The following PRPF4 variants were observed in gnomAD, a reference collection of about 807,000 sequenced individuals.
PRPF4 encodes the protein U4/U6 small nuclear ribonucleoprotein Prp4.
PRPF4 carries 14 observed loss-of-function variants against 72.2 expected under a neutral mutation model. That is an observed-to-expected ratio of 0.19 (90% CI 0.13 to 0.30). The LOEUF is 0.30. Among genes scored for constraint, PRPF4 ranks in the 10% least tolerant of loss-of-function variants. The pLI is 1.00. For synonymous variants in PRPF4, 225 were observed against 232.2 expected, an observed-to-expected ratio of 0.97 and a Z score of 0.28; for missense variants, 478 against 653.9, an observed-to-expected ratio of 0.73 and a Z score of 2.93.
chr9:113,290,652 C>T, intron 11 of PRPF4, 48 bp from the exon 12 acceptor site: 1 of 1,614,084 alleles, frequency 6.2e-7, no homozygotes, highest in Non-Finnish European at 8.5e-7. Context: ...ATACCTGCTT[C>T]CACAGAGAAC....
At chr9:113,276,838 C>T in intron 2 of PRPF4, 113 bp downstream of exon 2, 1 of 1,211,770 alleles carries the variant, frequency 8.3e-7, no homozygotes, top group Middle Eastern at 3.0e-4. Flanking sequence ...TTTTTTTAAA[C>T]AGAGTCTCGC....
chr9:113,284,467 G>A (rs1210856587), intron 7 of PRPF4, 78 bp downstream of exon 7: 13 of 1,222,878 alleles, frequency 1.1e-5, no homozygotes, highest in Admixed American at 1.7e-5. Context: ...TGCGTTAGAC[G>A]TCTATTTCTA....
chr9:113,291,528 C>G lies in PRPF4; in HGVS notation c.1434C>G (p.His478Gln). The change falls in exon 14 of 14, where the codon CAC (histidine) becomes CAG (glutamine). Residue 478 changes from histidine to glutamine, a missense_variant. By Grantham distance (24) the His-to-Gln change is conservative. Coordinates refer to ENST00000374198, the MANE Select transcript of PRPF4 (RefSeq NM_001244926.2). ...ATAACACAGCCAAGATCTGGACGCA[C>G]CCAGGCTGGTCCCCGCTGAAGACTC... is the stretch of plus-strand genomic sequence containing the variant. ...AYDNTAKIWT[H>Q]PGWSPLKTLA... 6.2e-7 allele frequency: 1 copy of G among 1,614,124 alleles called. No homozygotes were observed. Among genetic ancestry groups the G allele is most frequent in the Admixed American group, 1.7e-5 (1 of 60,014 alleles).
intron 8 of PRPF4, 74 bp from the exon 9 acceptor site, chr9:113,286,631 C>T: frequency 6.4e-7 from 1 of 1,559,638 alleles, no homozygotes; most frequent in Non-Finnish European, 8.8e-7. Context: ...TGTATGTCCA[C>T]ATGTTCCCTA....
At chr9:113,288,486 G>T (rs932263491) in intron 10 of PRPF4, among the ~76,000 whole-genome samples, 41 of 151,694 alleles carry the variant, frequency 2.7e-4, no homozygotes, top group African/African-American at 9.7e-4. Context: ...ACCCAGGCTG[G>T]AGTGCAGTGG....
chr9:113,291,353 G>A, intron 13 of PRPF4, 114 bp from the exon 14 acceptor site: 3 of 1,075,646 alleles, frequency 2.8e-6, no homozygotes, highest in East Asian at 2.4e-5. Flanking sequence ...GTTCCCTTAA[G>A]TCTGTAGAAA....
rs749110846 is a variant in PRPF4 at position 113,283,125 on chromosome 9, C to T, written c.481-7C>T. ...TTTGACCTTTCTGCTCTTAATTTGC[C>T]TTTCAGTATCAGCAAACCTGGTATC... On this transcript the variant is annotated splice_region_variant and splice_polypyrimidine_tract_variant and intron_variant, in intron 4 of 13. Transcript: ENST00000374198. 6.2e-7 allele frequency: 1 copy of T among 1,614,022 alleles called. No homozygotes were observed.
intron 2 of PRPF4, among the ~76,000 whole-genome samples, chr9:113,278,630 A>G (rs1346167536): frequency 1.3e-5 from 2 of 152,266 alleles, no homozygotes; most frequent in Admixed American, 6.5e-5. Flanking sequence ...TCTTCTGGAT[A>G]GACAGCCTAG....
intron 3 of PRPF4, among the ~76,000 whole-genome samples, chr9:113,281,314 A>T (rs909454819): frequency 7.2e-5 from 11 of 152,196 alleles, no homozygotes; most frequent in African/African-American, 2.6e-4. Flanking sequence ...CAAAGGGTAT[A>T]CTTTTTTATT....
At chr9:113,289,267 G>C (rs762241409) in intron 10 of PRPF4, among the ~76,000 whole-genome samples, 5 of 152,138 alleles carry the variant, frequency 3.3e-5, no homozygotes, top group Admixed American at 6.6e-5. Flanking sequence ...ATGGACACTT[G>C]GGCTGTTTCC....
chr9:113,288,729 GC>G (rs1316149907), intron 10 of PRPF4, among the ~76,000 whole-genome samples: 1 of 152,034 alleles, frequency 6.6e-6, no homozygotes, highest in Non-Finnish European at 1.5e-5. Context: ...CAGGTAACGC[GC>G]CCAGCCATAT....
rs1047655065 is a variant in PRPF4 at position 113,290,820 on chromosome 9, C to T, written c.1253+13C>T. Reference sequence around the variant, plus strand: ...TCTCCCCCAATGGGTAAAATAAACACACTGAATGAGGGGCGAAAAAGGGTT... The same window carrying T: ...TCTCCCCCAATGGGTAAAATAAACATACTGAATGAGGGGCGAAAAAGGGTT... On this transcript the variant is annotated intron_variant, in intron 12 of 13. Transcript: ENST00000374198. 5.6e-6 allele frequency: 9 copies of T among 1,613,460 alleles called. No homozygotes were observed. Among genetic ancestry groups the T allele is most frequent in the Non-Finnish European group, 7.6e-6 (9 of 1,179,488 alleles).
chr9:113,285,569 A>AG, intron 7 of PRPF4, among the ~76,000 whole-genome samples: 1 of 151,166 alleles, frequency 6.6e-6, no homozygotes, highest in East Asian at 2.0e-4. Flanking sequence ...TAGTAGAGAC[A>AG]GGGTTTCACC....
intron 6 of PRPF4, 21 bp downstream of exon 6, chr9:113,283,503 G>A (rs750143048): frequency 6.2e-7 from 1 of 1,612,154 alleles, no homozygotes; most frequent in South Asian, 1.1e-5. Flanking sequence ...CCCAGCAATT[G>A]TCCCACATCT....
chr9:113,277,859 G>A (rs1832158403), intron 2 of PRPF4, among the ~76,000 whole-genome samples: 2 of 152,140 alleles, frequency 1.3e-5, no homozygotes, highest in African/African-American at 4.8e-5. Context: ...AATTAGCTGG[G>A]CATGGTGACA....
In PRPF4 at chr9:113,292,557, A is replaced by G. The variant is rs1158892265; in HGVS notation, c.*897A>G. 1 of 152,248 alleles carries G rather than the reference A, an allele frequency of 6.6e-6. No individual in the cohort carries two copies. Among genetic ancestry groups the G allele is most frequent in the African/African-American group, 2.4e-5 (1 of 41,468 alleles). The allele number at this position is 152,248 out of a possible 1,614,324, so 9.4% of individuals were successfully genotyped here. A position where few individuals can be genotyped will look rare whatever the true frequency, so the allele number is the denominator to read the frequency against. ...TGAGTTTGCTTGGAATGCTGACAGCATCAGGCAACTCTGAACTGAACATTT... is the reference window on the plus strand; with the variant it reads ...TGAGTTTGCTTGGAATGCTGACAGCGTCAGGCAACTCTGAACTGAACATTT... On this transcript the variant is annotated 3_prime_UTR_variant, in exon 14 of 14. Coordinates refer to ENST00000374198, the MANE Select transcript of PRPF4 (RefSeq NM_001244926.2).
At chr9:113,286,174 G>A in intron 7 of PRPF4, 58 bp from the exon 8 acceptor site, 1 of 1,576,458 alleles carries the variant, frequency 6.3e-7, no homozygotes, top group Non-Finnish European at 8.7e-7. Context: ...ATATTACCAA[G>A]GTACCTTTTC....
rs775989074 is a variant in PRPF4, at chr9:113,275,697, A to G, written c.-47A>G. ...CTGGGCGCGCGGTGGACGGTCTGAAAGGGAGTGTTCGGGTTTCGCTGGGGC... is the reference window on the plus strand; with the variant it reads ...CTGGGCGCGCGGTGGACGGTCTGAAGGGGAGTGTTCGGGTTTCGCTGGGGC... On this transcript the variant is annotated 5_prime_UTR_variant, in exon 1 of 14. Coordinates refer to ENST00000374198, the MANE Select transcript of PRPF4 (RefSeq NM_001244926.2). 2 of 1,600,814 alleles carry G rather than the reference A, an allele frequency of 1.2e-6. No individual in the cohort carries two copies. The highest frequency in any genetic ancestry group is 1.7e-5 in the Admixed American group (1 of 58,574).
rs1832347404 is a variant in PRPF4, at chr9:113,283,567, G to A, written c.654+85G>A. ...TCTACTTTGGCTCACCTCTGGGAAG[G>A]TAGAGGCAACTAGAGTGATTCCTCC... On this transcript the variant is annotated intron_variant, in intron 6 of 13. Transcript: ENST00000374198. The A allele has an allele frequency of 3.6e-6, 5 of 1,406,306 alleles. No individual in the cohort carries two copies. The South Asian group carries it at 6.3e-5, about 18-fold the overall frequency. The allele number at this position is 1,406,306 out of a possible 1,614,324, so 87.1% of individuals were successfully genotyped here. A position where few individuals can be genotyped will look rare whatever the true frequency, so the allele number is the denominator to read the frequency against.
Sources: gnomAD v4.1 joint callset for allele counts (sites outside exome capture counted in the v4.1 genomes callset) on GRCh38, gnomAD v4.1.1 for gene constraint, MANE v1.5 for transcripts, NCBI Gene and HGNC (gene_info 2026-07-23, HGNC 2026-07-21) for gene names.